ARSB: variants seen among roughly 807,000 people sequenced by gnomAD.
The protein encoded by ARSB is arylsulfatase B, also known as N-acetylgalactosamine-4-sulfatase.
In ARSB, 41 loss-of-function variants were observed where a neutral mutation model predicts 50.9. That is an observed-to-expected ratio of 0.81 (90% CI 0.63 to 1.04). The LOEUF (loss-of-function observed/expected upper bound fraction) is 1.04, where lower values mean the gene tolerates loss of function less well. ARSB is among the 50% of genes least tolerant of loss of function. ARSB has a pLI of 0.00. For synonymous variants in ARSB, 269 were observed against 284.8 expected (o/e 0.94, Z 0.56); for missense variants, 672 against 693.3 (o/e 0.97, Z 0.35).
At chr5:78,912,636 TC>T (rs1749357538) in intron 4 of ARSB, among the ~76,000 whole-genome samples, 4 of 152,150 alleles carry the variant, frequency 2.6e-5, no homozygotes, top group Admixed American at 2.0e-4. Context: ...ACAGCACTGA[TC>T]CCAATCACTG....
chr5:78,953,146 T>C (rs1454677693), intron 4 of ARSB, among the ~76,000 whole-genome samples: 2 of 152,188 alleles, frequency 1.3e-5, no homozygotes, highest in Admixed American at 1.3e-4. Flanking sequence ...ACTTAGAAAA[T>C]TATAGTATTT....
rs779715264 is a variant in ARSB, at chr5:78,816,054, G to A, written c.1213+23302C>T. On this transcript the variant is annotated intron_variant, in intron 6 of 7. Coordinates refer to ENST00000264914, the MANE Select transcript of ARSB (RefSeq NM_000046.5). ...GTCTGAAGTCATTTCTTATGCCCTG[G>A]GTTATCATCTTCAGTAGAAAGTTGG... is the stretch of plus-strand genomic sequence containing the variant. 5.0e-6 allele frequency: 8 copies of A among 1,613,896 alleles called. No homozygotes were observed. The Middle Eastern group carries it at 4.9e-4, about 100-fold the overall frequency.
At chr5:78,960,254 T>C (rs1374003494) in intron 3 of ARSB, among the ~76,000 whole-genome samples, 1 of 152,192 alleles carries the variant, frequency 6.6e-6, no homozygotes, top group East Asian at 1.9e-4. Context: ...TTATGCTACA[T>C]GGTTCCTAAG....
intron 4 of ARSB, among the ~76,000 whole-genome samples, chr5:78,940,673 T>C (rs2112431474): frequency 6.6e-6 from 1 of 152,338 alleles, no homozygotes; most frequent in African/African-American, 2.4e-5. Context: ...TACCATGCTG[T>C]TTCAGTCACT....
chr5:78,797,298 C>A (rs1051141554), intron 6 of ARSB, among the ~76,000 whole-genome samples: 1 of 152,226 alleles, frequency 6.6e-6, no homozygotes, highest in African/African-American at 2.4e-5. Context: ...TTTGCTTATT[C>A]TTTTTTCACT....
chr5:78,892,928 G>A (rs1262006716), intron 4 of ARSB, among the ~76,000 whole-genome samples: 4 of 152,150 alleles, frequency 2.6e-5, no homozygotes, highest in Admixed American at 6.5e-5. Flanking sequence ...GGTGGAGTGC[G>A]ACTGGCAGCC....
chr5:78,787,165 A>C (rs1749111755), intron 6 of ARSB, among the ~76,000 whole-genome samples: 1 of 150,352 alleles, frequency 6.7e-6, no homozygotes, highest in African/African-American at 2.5e-5. Flanking sequence ...TATGTTGGCC[A>C]GGCTGGTCTC....
In ARSB at chr5:78,981,651, T is replaced by C. The variant is rs1429386043; in HGVS notation, c.312+3286A>G. Among the ~76,000 whole-genome samples, 13 of 152,210 alleles carry C rather than the reference T, an allele frequency of 8.5e-5. 1 individual carries two copies. The highest frequency in any genetic ancestry group is 8.5e-4 in the Admixed American group (13 of 15,290). On this transcript the variant is annotated intron_variant, in intron 1 of 7. Coordinates refer to ENST00000264914, the MANE Select transcript of ARSB (RefSeq NM_000046.5). ...CAGCCCAACTCCTCTGTTTCACAGA[T>C]GTGGAAATGATGGCCAGCGAGGTCA... is the stretch of plus-strand genomic sequence containing the variant.
chr5:78,976,705 T>C (rs1341304361), intron 1 of ARSB, among the ~76,000 whole-genome samples: 1 of 152,208 alleles, frequency 6.6e-6, no homozygotes, highest in Admixed American at 6.5e-5. Flanking sequence ...TTGACTGTAT[T>C]TCCTTAAAAT....
At chr5:78,873,892 C>T (rs1341691811) in intron 5 of ARSB, among the ~76,000 whole-genome samples, 1 of 152,162 alleles carries the variant, frequency 6.6e-6, no homozygotes, top group Non-Finnish European at 1.5e-5. Context: ...ACAGTAGGGT[C>T]ACCTTTGTGA....
chr5:78,970,750 T>G (rs527276842), intron 1 of ARSB, among the ~76,000 whole-genome samples: 241 of 152,252 alleles, frequency 1.6e-3, no homozygotes, highest in Non-Finnish European at 2.5e-3. Flanking sequence ...CTCCAGGAAT[T>G]CCAGACCAGC....
At chr5:78,866,475 A>C (rs1389485030) in intron 5 of ARSB, among the ~76,000 whole-genome samples, 1 of 152,178 alleles carries the variant, frequency 6.6e-6, no homozygotes, top group Non-Finnish European at 1.5e-5. Context: ...TATCAAGGGG[A>C]AAGGACTCAA....
At chr5:78,945,549 C>T (rs1015271333) in intron 4 of ARSB, among the ~76,000 whole-genome samples, 1 of 152,206 alleles carries the variant, frequency 6.6e-6, no homozygotes, top group African/African-American at 2.4e-5. Flanking sequence ...GGCCTGCTTC[C>T]AATCACCCTC....
chr5:78,789,661 A>T (rs1314247210), intron 6 of ARSB, among the ~76,000 whole-genome samples: 2 of 152,174 alleles, frequency 1.3e-5, no homozygotes, highest in African/African-American at 4.8e-5. Context: ...TTCAAGAAGG[A>T]CTCAATTTGT....
intron 4 of ARSB, among the ~76,000 whole-genome samples, chr5:78,891,519 G>A (rs17221292): frequency 0.017 from 2,549 of 152,256 alleles, 82 homozygotes; most frequent in South Asian, 0.11. Flanking sequence ...TCTGGAAAAA[G>A]GGCAGCAAAC....
chr5:78,900,761 C>T (rs539500857), intron 4 of ARSB, among the ~76,000 whole-genome samples: 12 of 152,088 alleles, frequency 7.9e-5, no homozygotes, highest in Non-Finnish European at 1.3e-4. Flanking sequence ...CAGCAATGGG[C>T]GGGCGCAGTA....
rs32962 is a variant in ARSB, at chr5:78,973,854, C to A, written c.313-4662G>T. Among the ~76,000 whole-genome samples, 53 of 152,266 alleles carry A rather than the reference C, an allele frequency of 3.5e-4. No individual in the cohort carries two copies. In the East Asian group the frequency reaches 9.4e-3, roughly 27 times the overall value. On this transcript the variant is annotated intron_variant, in intron 1 of 7. Transcript: ENST00000264914. ...TTCTGTCCAGTCAGTCTGGTCTGAGCAAAATGAACTCATATCCTCATGTGC... is the reference window on the plus strand; with the variant it reads ...TTCTGTCCAGTCAGTCTGGTCTGAGAAAAATGAACTCATATCCTCATGTGC...
intron 5 of ARSB, among the ~76,000 whole-genome samples, chr5:78,865,706 C>G (rs998625808): frequency 3.3e-5 from 5 of 152,160 alleles, no homozygotes; most frequent in Admixed American, 2.6e-4. Context: ...ATGCCTTTAA[C>G]AGAACCCAAA....
At chr5:78,944,689 C>T (rs1050617451) in intron 4 of ARSB, among the ~76,000 whole-genome samples, 15 of 152,224 alleles carry the variant, frequency 9.9e-5, no homozygotes, top group Admixed American at 9.8e-4. Context: ...TCTGCCCCTA[C>T]AAGGGGGTGC....
Sources: gnomAD v4.1 joint callset for allele counts (sites outside exome capture counted in the v4.1 genomes callset) on GRCh38, gnomAD v4.1.1 for gene constraint, MANE v1.5 for transcripts, NCBI Gene and HGNC (gene_info 2026-07-23, HGNC 2026-07-21) for gene names.